The following NTM variants were observed in gnomAD, a reference collection of about 807,000 sequenced individuals.
The protein encoded by NTM is IgLON family member 2.
A neutral mutation model predicts 42.1 loss-of-function variants in NTM; 13 were observed. The ratio of observed to expected loss-of-function variants is 0.31; its 90% CI spans 0.20 to 0.49. NTM has a LOEUF of 0.49. NTM is among the 20% of genes least tolerant of loss of function. The pLI is 0.99. For missense variants in NTM, 373 were observed against 452.8 expected, an observed-to-expected ratio of 0.82 and a Z score of 1.60; for synonymous variants, 187 against 179.2, an observed-to-expected ratio of 1.04 and a Z score of -0.35.
intron 3 of NTM, among the ~76,000 whole-genome samples, chr11:132,196,423 C>T (rs150066689): frequency 7.9e-5 from 12 of 152,126 alleles, no homozygotes; most frequent in African/African-American, 2.6e-4. Flanking sequence ...CCTTTCAATG[C>T]AGCACTCTTG....
intron 1 of NTM, among the ~76,000 whole-genome samples, chr11:131,763,705 C>CTTTTTT (rs2084612207): frequency 1.5e-5 from 1 of 65,070 alleles, no homozygotes; most frequent in Non-Finnish European, 3.5e-5. Context: ...GCCCATCTCT[C>CTTTTTT]TCTCTTTTTT....
chr11:131,458,898 C>A (rs544059355), intron 1 of NTM, among the ~76,000 whole-genome samples: 2 of 152,252 alleles, frequency 1.3e-5, no homozygotes, highest in African/African-American at 4.8e-5. Context: ...ACATTTCTAA[C>A]AAGGTCCTAA....
intron 4 of NTM, among the ~76,000 whole-genome samples, chr11:132,251,660 C>A (rs1378713141): frequency 2.6e-5 from 4 of 152,158 alleles, no homozygotes; most frequent in Non-Finnish European, 4.4e-5. Flanking sequence ...TCCTTGGATG[C>A]GAAATGGCGG....
intron 3 of NTM, among the ~76,000 whole-genome samples, chr11:132,189,890 G>A (rs138692483): frequency 6.6e-6 from 1 of 152,196 alleles, no homozygotes; most frequent in Non-Finnish European, 1.5e-5. Flanking sequence ...CATGCTGGGG[G>A]CCATAAAGGC....
At chr11:131,953,056 T>G (rs529921851) in intron 2 of NTM, among the ~76,000 whole-genome samples, 1 of 152,272 alleles carries the variant, frequency 6.6e-6, no homozygotes, top group Non-Finnish European at 1.5e-5. Flanking sequence ...AGGTAGCCAT[T>G]CATCATGACT....
chr11:131,579,275 GAAAAC>G (rs950634366), intron 1 of NTM, among the ~76,000 whole-genome samples: 1 of 152,106 alleles, frequency 6.6e-6, no homozygotes, highest in Non-Finnish European at 1.5e-5. Context: ...AAGACAGAGA[GAAAAC>G]AAAACAAAGC....
chr11:131,424,917 T>C (rs1423563061), intron 1 of NTM, among the ~76,000 whole-genome samples: 1 of 149,374 alleles, frequency 6.7e-6, no homozygotes, highest in African/African-American at 2.5e-5. Flanking sequence ...TCTCGCTCTG[T>C]CACCCAGGTT....
At chr11:132,235,897 G>A (rs1290308549) in intron 4 of NTM, among the ~76,000 whole-genome samples, 1 of 152,028 alleles carries the variant, frequency 6.6e-6, no homozygotes, top group African/African-American at 2.4e-5. Context: ...TCAGTGATCT[G>A]CCATTGCTGT....
chr11:132,289,368 A>G (rs1197024287), intron 4 of NTM, among the ~76,000 whole-genome samples: 1 of 152,184 alleles, frequency 6.6e-6, no homozygotes, highest in Non-Finnish European at 1.5e-5. Context: ...TCAGTTCTCA[A>G]AGCCTTTGGT....
At chr11:131,696,538 C>T (rs1315955399) in intron 1 of NTM, among the ~76,000 whole-genome samples, 1 of 152,168 alleles carries the variant, frequency 6.6e-6, no homozygotes, top group African/African-American at 2.4e-5. Flanking sequence ...CATTCTTTCT[C>T]TATTAGTCCT....
At chr11:131,855,033 C>T (rs909507747) in intron 1 of NTM, among the ~76,000 whole-genome samples, 3 of 152,142 alleles carry the variant, frequency 2.0e-5, no homozygotes, top group Non-Finnish European at 2.9e-5. Flanking sequence ...CTGATGGGAA[C>T]ATCTGGGCCC....
At chr11:132,221,524 G>T (rs1214682120) in intron 4 of NTM, among the ~76,000 whole-genome samples, 2 of 152,074 alleles carry the variant, frequency 1.3e-5, no homozygotes, top group Non-Finnish European at 2.9e-5. Context: ...TGCTGTGCTG[G>T]GTAGTGTAGT....
intron 1 of NTM, among the ~76,000 whole-genome samples, chr11:131,379,529 T>A (rs946251897): frequency 6.6e-6 from 1 of 152,204 alleles, no homozygotes; most frequent in Non-Finnish European, 1.5e-5. Context: ...AATCAACCTC[T>A]GTACAACTCA....
chr11:131,422,742 G>C (rs550766702), intron 1 of NTM, among the ~76,000 whole-genome samples: 6 of 152,154 alleles, frequency 3.9e-5, no homozygotes, highest in Non-Finnish European at 8.8e-5. Flanking sequence ...GGAAGTCATT[G>C]CAGATGGCTA....
At chr11:131,398,138 G>A (rs1410740967) in intron 1 of NTM, among the ~76,000 whole-genome samples, 3 of 152,068 alleles carry the variant, frequency 2.0e-5, no homozygotes, top group Admixed American at 6.5e-5. Flanking sequence ...AGTTAATAAC[G>A]ATAAGACCTT....
intron 4 of NTM, among the ~76,000 whole-genome samples, chr11:132,257,700 T>A (rs2092587703): frequency 6.6e-6 from 1 of 152,228 alleles, no homozygotes; most frequent in Non-Finnish European, 1.5e-5. Flanking sequence ...TTTTTGCCCA[T>A]CTTACAGATG....
At chr11:132,098,337 C>A (rs1320401906) in intron 2 of NTM, among the ~76,000 whole-genome samples, 1 of 152,108 alleles carries the variant, frequency 6.6e-6, no homozygotes, top group Non-Finnish European at 1.5e-5. Context: ...AAAAGGTAGT[C>A]CAATATTTTA....
intron 1 of NTM, among the ~76,000 whole-genome samples, chr11:131,860,863 A>G: frequency 6.6e-6 from 1 of 152,190 alleles, no homozygotes; most frequent in Non-Finnish European, 1.5e-5. Context: ...TGCTGGCTAC[A>G]TACTTATGAA....
intron 8 of NTM, chr11:132,332,280 A>G (rs2095814382): frequency 6.6e-6 from 1 of 152,488 alleles, no homozygotes; most frequent in Admixed American, 6.5e-5. Context: ...GGTGTCCTGG[A>G]TGTGCTGCTG....
Sources: allele counts gnomAD v4.1 joint callset (sites outside exome capture counted in the v4.1 genomes callset), GRCh38; gene constraint gnomAD v4.1.1; transcripts MANE v1.5; gene names NCBI Gene and HGNC (gene_info 2026-07-23, HGNC 2026-07-21).